Variants in CSMD1 observed in about 807,000 individuals in gnomAD.
The protein encoded by CSMD1 is CUB and sushi domain-containing protein 1.
In CSMD1, 213 loss-of-function variants were observed where a neutral mutation model predicts 417.5. The observed-to-expected ratio is 0.51, with a 90% CI of 0.46 to 0.57. The LOEUF (loss-of-function observed/expected upper bound fraction) is 0.57. Among genes scored for constraint, CSMD1 ranks in the 20% least tolerant of loss-of-function variants. CSMD1 has a pLI of 0.00. For synonymous variants in CSMD1, 2,862 were observed against 1,736.8 expected (o/e 1.65, Z -16.11); for missense variants, 6,923 against 4,529.7 (o/e 1.53, Z -15.17).
intron 49 of CSMD1, among the ~76,000 whole-genome samples, chr8:3,053,474 G>C (rs1455736656): frequency 6.6e-6 from 1 of 151,904 alleles, no homozygotes; most frequent in African/African-American, 2.4e-5. Context: ...TTTCCCTAAA[G>C]CCCCAGGAAG....
chr8:4,390,580 C>G (rs930145523), intron 3 of CSMD1, among the ~76,000 whole-genome samples: 2 of 151,438 alleles, frequency 1.3e-5, no homozygotes, highest in African/African-American at 4.9e-5. Context: ...GTGGTGCGAT[C>G]TCAGCTCCCT....
chr8:4,414,712 A>T (rs1435385374), intron 3 of CSMD1, among the ~76,000 whole-genome samples: 1 of 152,194 alleles, frequency 6.6e-6, no homozygotes, highest in East Asian at 1.9e-4. Context: ...AGGAAATATG[A>T]ACTACTAGAA....
At chr8:3,017,201 C>T (rs116355593) in intron 52 of CSMD1, among the ~76,000 whole-genome samples, 3,119 of 152,258 alleles carry the variant, frequency 0.02, 99 homozygotes, top group African/African-American at 0.07. Flanking sequence ...TCTCGGACCA[C>T]CTAGCTCCCT....
intron 7 of CSMD1, among the ~76,000 whole-genome samples, chr8:3,671,599 AG>A (rs1378213600): frequency 1.6e-5 from 2 of 122,504 alleles, no homozygotes; most frequent in African/African-American, 6.1e-5. Context: ...ATATATGATT[AG>A]TTCTATCTCT....
intron 49 of CSMD1, among the ~76,000 whole-genome samples, chr8:3,066,935 G>C (rs1306791179): frequency 1.3e-5 from 2 of 152,162 alleles, no homozygotes; most frequent in African/African-American, 4.8e-5. Flanking sequence ...TTCTAGTTAA[G>C]AGAAGTTGAT....
chr8:4,433,336 T>C (rs1230585046), intron 2 of CSMD1, among the ~76,000 whole-genome samples: 4 of 152,246 alleles, frequency 2.6e-5, no homozygotes, highest in South Asian at 4.1e-4. Flanking sequence ...ACCAGAAAGG[T>C]TGGGGACTGC....
intron 23 of CSMD1, among the ~76,000 whole-genome samples, chr8:3,334,521 G>T (rs960067930): frequency 6.6e-6 from 1 of 151,978 alleles, no homozygotes; most frequent in Non-Finnish European, 1.5e-5. Context: ...CATTTTTATT[G>T]TATCAATGTG....
intron 51 of CSMD1, among the ~76,000 whole-genome samples, chr8:3,026,298 G>A (rs1235408088): frequency 6.6e-6 from 1 of 151,784 alleles, no homozygotes; most frequent in East Asian, 2.0e-4. Flanking sequence ...CTCTGCCCAG[G>A]AGCCAGGTTT....
intron 4 of CSMD1, among the ~76,000 whole-genome samples, chr8:4,017,318 G>A (rs1796571263): frequency 6.6e-6 from 1 of 151,910 alleles, no homozygotes; most frequent in African/African-American, 2.4e-5. Context: ...CTTTTTAGGG[G>A]AGGGAGGACA....
intron 3 of CSMD1, among the ~76,000 whole-genome samples, chr8:4,407,748 C>G (rs1483264238): frequency 6.6e-6 from 1 of 152,116 alleles, no homozygotes; most frequent in Admixed American, 6.6e-5. Flanking sequence ...GTAAGCATTC[C>G]TTTAAAAACA....
intron 1 of CSMD1, among the ~76,000 whole-genome samples, chr8:4,786,618 T>C (rs1797415734): frequency 6.6e-6 from 1 of 152,232 alleles, no homozygotes; most frequent in Non-Finnish European, 1.5e-5. Context: ...AAGATGATGC[T>C]TGAATCTCTC....
intron 7 of CSMD1, among the ~76,000 whole-genome samples, chr8:3,625,874 A>G (rs1223161562): frequency 3.3e-5 from 5 of 152,198 alleles, no homozygotes. Flanking sequence ...GGGCTCAGAT[A>G]TTAACAATTA....
chr8:3,492,193 T>C (rs1818421365), intron 11 of CSMD1, among the ~76,000 whole-genome samples: 1 of 152,280 alleles, frequency 6.6e-6, no homozygotes, highest in African/African-American at 2.4e-5. Context: ...AGATGTTTGA[T>C]TATTCTCCAT....
intron 2 of CSMD1, among the ~76,000 whole-genome samples, chr8:4,560,372 G>C (rs556501774): frequency 6.6e-6 from 1 of 152,290 alleles, no homozygotes; most frequent in East Asian, 1.9e-4. Flanking sequence ...ATTTCTTCCT[G>C]AAAGATAAAT....
At chr8:4,834,549 C>G (rs1459952209) in intron 1 of CSMD1, among the ~76,000 whole-genome samples, 1 of 151,732 alleles carries the variant, frequency 6.6e-6, no homozygotes, top group African/African-American at 2.4e-5. Flanking sequence ...TGAAAACAAC[C>G]AATAGAAGGG....
chr8:3,640,421 A>G (rs1298137156), intron 7 of CSMD1, among the ~76,000 whole-genome samples: 1 of 152,244 alleles, frequency 6.6e-6, no homozygotes, highest in Non-Finnish European at 1.5e-5. Flanking sequence ...TAAAGACCAG[A>G]GACCATCTTT....
chr8:4,819,087 A>G (rs1276928405), intron 1 of CSMD1, among the ~76,000 whole-genome samples: 1 of 152,266 alleles, frequency 6.6e-6, no homozygotes, highest in African/African-American at 2.4e-5. Context: ...CAGCACTTGC[A>G]TGTCACTTGC....
intron 49 of CSMD1, among the ~76,000 whole-genome samples, chr8:3,067,636 T>G (rs1813028617): frequency 6.7e-6 from 1 of 149,760 alleles, no homozygotes; most frequent in African/African-American, 2.4e-5. Context: ...ATAATAACAT[T>G]GATCAACATT....
intron 10 of CSMD1, among the ~76,000 whole-genome samples, chr8:3,543,039 T>A (rs1320296164): frequency 6.6e-6 from 1 of 152,140 alleles, no homozygotes; most frequent in Non-Finnish European, 1.5e-5. Flanking sequence ...GTGGGTGTGT[T>A]CTGTCTCGCT....
Sources: allele counts gnomAD v4.1 joint callset (sites outside exome capture counted in the v4.1 genomes callset), GRCh38; gene constraint gnomAD v4.1.1; transcripts MANE v1.5; gene names NCBI Gene and HGNC (gene_info 2026-07-23, HGNC 2026-07-21).